ATE1: variants seen among roughly 807,000 people sequenced by gnomAD.
The protein encoded by ATE1 is arginyl-tRNA--protein transferase 1.
Under a neutral mutation model 70.5 loss-of-function variants are expected in ATE1, and 36 were observed. That is an observed-to-expected ratio of 0.51 (90% confidence interval 0.39 to 0.67). The LOEUF is 0.67. Among genes scored for constraint, ATE1 ranks in the 30% least tolerant of loss-of-function variants. ATE1 has a pLI of 0.00. For missense variants in ATE1, 593 were observed against 629.5 expected (o/e 0.94, Z 0.62); for synonymous variants, 232 against 219.3 (o/e 1.06, Z -0.51).
intron 11 of ATE1, among the ~76,000 whole-genome samples, chr10:121,758,976 T>C (rs1195930310): frequency 6.6e-6 from 1 of 152,064 alleles, no homozygotes; most frequent in Non-Finnish European, 1.5e-5. Flanking sequence ...CCCTATTTCC[T>C]GAAACACAAC....
At chr10:121,819,005 C>T (rs937127743) in intron 10 of ATE1, among the ~76,000 whole-genome samples, 2 of 152,134 alleles carry the variant, frequency 1.3e-5, no homozygotes, top group Non-Finnish European at 2.9e-5. Flanking sequence ...ACCACAATGT[C>T]GCTGTAATTA....
chr10:121,808,078 T>C (rs973950494), intron 10 of ATE1, among the ~76,000 whole-genome samples: 4 of 122,260 alleles, frequency 3.3e-5, no homozygotes, highest in Non-Finnish European at 7.3e-5. Flanking sequence ...GTTTATCTTG[T>C]GGTATTTGTG....
chr10:121,924,376 C>CT lies in ATE1; in HGVS notation c.107-48dup, dbSNP rs763763375. On this transcript the variant is annotated intron_variant, in intron 1 of 11. Coordinates refer to ENST00000224652, the MANE Select transcript of ATE1 (RefSeq NM_001001976.3). ...TAATTACGGCAGGGTAACCTTTTTT[C>CT]TTTTTTAAATTCAAAGTGTGAGGTT... 1.9e-6 allele frequency: 3 copies of CT among 1,564,678 alleles called. No homozygotes were observed. The South Asian group carries it at 3.3e-5, about 17-fold the overall frequency.
At chr10:121,836,933 T>C in intron 9 of ATE1, 116 bp from the exon 10 acceptor site, 1 of 645,334 alleles carries the variant, frequency 1.5e-6, no homozygotes, top group Non-Finnish European at 2.7e-6. Context: ...TATCAAAAAA[T>C]TACAAATATT....
At chr10:121,921,831 G>A (rs547328211) in intron 3 of ATE1, among the ~76,000 whole-genome samples, 101 of 152,278 alleles carry the variant, frequency 6.6e-4, no homozygotes, top group Middle Eastern at 6.8e-3. Context: ...TCTTTTAGAC[G>A]TTGAGTCAGC....
chr10:121,912,495 CA>C (rs555347425), intron 4 of ATE1, among the ~76,000 whole-genome samples: 1 of 151,040 alleles, frequency 6.6e-6, no homozygotes, highest in East Asian at 2.1e-4. Flanking sequence ...ACTAAAAATA[CA>C]AAAAAATTAG....
At chr10:121,750,292 T>C (rs1277524600) in intron 11 of ATE1, among the ~76,000 whole-genome samples, 2 of 152,194 alleles carry the variant, frequency 1.3e-5, no homozygotes, top group Non-Finnish European at 2.9e-5. Context: ...AAGGACCATG[T>C]GCCATTTCAT....
intron 3 of ATE1, among the ~76,000 whole-genome samples, chr10:121,920,526 AAAAAAAG>A (rs1367730694): frequency 1.3e-5 from 2 of 151,938 alleles, no homozygotes; most frequent in African/African-American, 4.8e-5. Context: ...TGTCTCAAAA[AAAAAAAG>A]AAAAAAGAAG....
upstream of ATE1, chr10:121,928,032 G>A: frequency 8.0e-7 from 1 of 1,256,968 alleles, no homozygotes; most frequent in Middle Eastern, 3.1e-4. Context: ...GCAGCGCGCC[G>A]CCCGGGAGCC....
chr10:121,744,233 A>G (rs1344994509), intron 11 of ATE1, among the ~76,000 whole-genome samples: 1 of 151,966 alleles, frequency 6.6e-6, no homozygotes, highest in South Asian at 2.1e-4. Flanking sequence ...TCATTTCTTA[A>G]TTTAAAAAAT....
chr10:121,904,272 G>A (rs927802814), intron 5 of ATE1, among the ~76,000 whole-genome samples: 12 of 151,224 alleles, frequency 7.9e-5, no homozygotes, highest in South Asian at 4.2e-4. Context: ...GTGAGCCACC[G>A]CACCTGGCCG....
chr10:121,902,472 T>G lies in ATE1; in HGVS notation c.732A>C (p.Pro244=). Residue 244 remains proline (P), a synonymous_variant, in exon 6 of 12, where the codon CCA becomes CCC. Transcript: ENST00000224652. ...AQGHPPSLFP[P]KAKSNQPKSL... ...ATTTTGGCTGGTTGGATTTAGCCTT[T>G]GGTGGAAACAAAGATGGTGGGTGAC... 6.2e-7 allele frequency: 1 copy of G among 1,614,216 alleles called. No homozygotes were observed. The highest frequency in any genetic ancestry group is 8.5e-7 in the Non-Finnish European group (1 of 1,180,034).
rs148209146 is a variant in ATE1, at chr10:121,856,491, C to T, written c.975+13515G>A. ...GCTGCAGTGAGCCGAGATCATGCTA[C>T]GGCACTCCAGCCTGGGTGAAAGAGC... On this transcript the variant is annotated intron_variant, in intron 8 of 11. Transcript: ENST00000224652. Among the ~76,000 whole-genome samples, 863 of 152,258 alleles carry T rather than the reference C, an allele frequency of 5.7e-3. 8 individuals carry two copies. The highest frequency in any genetic ancestry group is 0.02 in the African/African-American group (827 of 41,532).
chr10:121,803,763 T>G (rs1946987233), intron 10 of ATE1, among the ~76,000 whole-genome samples: 1 of 152,218 alleles, frequency 6.6e-6, no homozygotes, highest in Non-Finnish European at 1.5e-5. Flanking sequence ...TTTCAGTGCC[T>G]GAAAGCCTTA....
At chr10:121,803,806 G>A (rs1221533712) in intron 10 of ATE1, among the ~76,000 whole-genome samples, 2 of 152,170 alleles carry the variant, frequency 1.3e-5, no homozygotes, top group South Asian at 2.1e-4. Flanking sequence ...CACCCCTGAG[G>A]GGAATAAGAA....
At chr10:121,845,503 T>C (rs982571922) in intron 8 of ATE1, among the ~76,000 whole-genome samples, 2 of 152,206 alleles carry the variant, frequency 1.3e-5, no homozygotes, top group South Asian at 2.1e-4. Context: ...ACTACCTTAC[T>C]GAAACTGCTG....
chr10:121,878,625 A>G (rs1364900723), intron 7 of ATE1, among the ~76,000 whole-genome samples: 1 of 151,682 alleles, frequency 6.6e-6, no homozygotes, highest in African/African-American at 2.4e-5. Flanking sequence ...AAAAAAAATC[A>G]ACAAGCTATA....
intron 11 of ATE1, among the ~76,000 whole-genome samples, chr10:121,769,131 T>G (rs1945397502): frequency 1.3e-5 from 2 of 152,228 alleles, no homozygotes; most frequent in African/African-American, 4.8e-5. Context: ...AACTTTTCCC[T>G]AATTTCAAGA....
At chr10:121,752,266 T>C (rs1418972836) in intron 11 of ATE1, among the ~76,000 whole-genome samples, 3 of 139,536 alleles carry the variant, frequency 2.1e-5, no homozygotes, top group African/African-American at 5.3e-5. Context: ...AGTCTCCCTC[T>C]GTCGCCCAGG....
Sources: allele counts gnomAD v4.1 joint callset (sites outside exome capture counted in the v4.1 genomes callset), GRCh38; gene constraint gnomAD v4.1.1; transcripts MANE v1.5; gene names NCBI Gene and HGNC (gene_info 2026-07-23, HGNC 2026-07-21).